TSPEAR: variants seen among roughly 807,000 people sequenced by gnomAD.
TSPEAR encodes the protein thrombospondin type laminin G domain and EAR repeats, also known as thrombospondin-type laminin G domain and EAR repeat-containing protein.
In TSPEAR, 69 loss-of-function variants were observed where a neutral mutation model predicts 71.6. That is an observed-to-expected ratio of 0.96 (90% CI 0.79 to 1.18). TSPEAR has a LOEUF of 1.18. TSPEAR is among the 50% of genes most tolerant of loss of function. The pLI is 0.00. For synonymous variants in TSPEAR, 402 were observed against 387.2 expected, an observed-to-expected ratio of 1.04 and a Z score of -0.45; for missense variants, 971 against 894.9, an observed-to-expected ratio of 1.09 and a Z score of -1.09.
chr21:44,681,605 C>A, intron 1 of TSPEAR: 1 of 529,350 alleles, frequency 1.9e-6, no homozygotes, highest in South Asian at 3.9e-5. Context: ...TTATTTGACT[C>A]TCATGGGGTC....
intron 9 of TSPEAR, chr21:44,515,896 A>AC (rs1569157442): frequency 6.6e-6 from 1 of 152,092 alleles, no homozygotes; most frequent in African/African-American, 2.4e-5. Flanking sequence ...AAGGGCTGAG[A>AC]CCCCACCATG....
chr21:44,515,545 A>C (rs1411836885), intron 9 of TSPEAR: 1 of 151,800 alleles, frequency 6.6e-6, no homozygotes, highest in African/African-American at 2.4e-5. Context: ...GCTAGCCCAG[A>C]CCCTCCCCTT....
chr21:44,708,567 T>C (rs1325875906), intron 1 of TSPEAR, among the ~76,000 whole-genome samples: 57 of 152,334 alleles, frequency 3.7e-4, no homozygotes, highest in African/African-American at 1.3e-3. Context: ...TCTTTTAAGA[T>C]GCAAATCTGC....
chr21:44,647,745 G>A lies in TSPEAR; in HGVS notation c.82+63688C>T, dbSNP rs991870483. The A allele has an allele frequency of 7.8e-5, 21 of 268,126 alleles. No individual in the cohort carries two copies. The East Asian group carries it at 1.5e-3, about 19-fold the overall frequency. The allele number at this position is 268,126 out of a possible 1,614,324, so 16.6% of individuals were successfully genotyped here. On this transcript the variant is annotated intron_variant, in intron 1 of 11. Coordinates refer to ENST00000323084, the MANE Select transcript of TSPEAR (RefSeq NM_144991.3). ...CCCACTGTCTTGTTAAAGGCAGACA[G>A]GACAGTGTCTCTCATTCCGAGATCA... is the stretch of plus-strand genomic sequence containing the variant.
chr21:44,513,081 CAA>C (rs2052441538), intron 9 of TSPEAR, among the ~76,000 whole-genome samples: 1 of 152,182 alleles, frequency 6.6e-6, no homozygotes, highest in African/African-American at 2.4e-5. Flanking sequence ...CATACTTTGG[CAA>C]AAAGAAAAAT....
In TSPEAR at chr21:44,687,046, A is replaced by T. The variant is rs782125870; in HGVS notation, c.82+24387T>A. ...TCCTTCCCAGTAGTTTCAGACGAGG[A>T]TCTCTCAGCCAGGACTCTTCTGGAG... On this transcript the variant is annotated intron_variant, in intron 1 of 11. Transcript: ENST00000323084. This position sits in a 1 kb window ranked among gnomAD's most constrained non-coding sequence, Gnocchi z 4.4. Among the ~76,000 whole-genome samples, 8 of 152,122 alleles carry T rather than the reference A, an allele frequency of 5.3e-5. No individual in the cohort carries two copies. The highest frequency in any genetic ancestry group is 1.2e-4 in the Non-Finnish European group (8 of 68,008).
At chr21:44,538,570 T>C (rs1555916654) in intron 2 of TSPEAR, among the ~76,000 whole-genome samples, 1 of 145,058 alleles carries the variant, frequency 6.9e-6, no homozygotes, top group Non-Finnish European at 1.5e-5. Context: ...TCCCCTCGCA[T>C]TGCTGCTAAA....
At chr21:44,505,487 G>GC (rs1281969325) in intron 10 of TSPEAR, among the ~76,000 whole-genome samples, 6 of 135,648 alleles carry the variant, frequency 4.4e-5, no homozygotes, top group Non-Finnish European at 6.1e-5. Context: ...CTGTGTGGCC[G>GC]CCCCCACCAT....
intron 1 of TSPEAR, among the ~76,000 whole-genome samples, chr21:44,659,395 G>A (rs1261077333): frequency 1.3e-5 from 2 of 150,974 alleles, no homozygotes; most frequent in African/African-American, 4.9e-5. Context: ...CAAGCGGTTG[G>A]TGCACTGAAG....
At chr21:44,635,115 C>T (rs139067941) in intron 1 of TSPEAR, among the ~76,000 whole-genome samples, 2,466 of 152,056 alleles carry the variant, frequency 0.016, 75 homozygotes, top group African/African-American at 0.056. Context: ...GAGGCCGAGG[C>T]GGGAGGATCA....
intron 1 of TSPEAR, chr21:44,697,541 T>C: frequency 6.2e-7 from 1 of 1,613,824 alleles, no homozygotes; most frequent in African/African-American, 1.3e-5. Context: ...CAAGACTGTC[T>C]GCTGCAAGCC....
intron 9 of TSPEAR, chr21:44,518,701 T>C (rs907381976): frequency 6.4e-6 from 3 of 470,710 alleles, no homozygotes; most frequent in African/African-American, 2.0e-5. Flanking sequence ...GTTAGATGAT[T>C]GGAAGTGACT....
intron 1 of TSPEAR, among the ~76,000 whole-genome samples, chr21:44,635,816 C>T (rs1220988386): frequency 2.0e-5 from 3 of 152,132 alleles, no homozygotes; most frequent in Non-Finnish European, 4.4e-5. Context: ...TGGTTGATCA[C>T]AATTTAAATA....
intron 2 of TSPEAR, among the ~76,000 whole-genome samples, chr21:44,540,544 T>C (rs932763833): frequency 6.6e-5 from 10 of 152,176 alleles, no homozygotes; most frequent in Non-Finnish European, 1.5e-4. Flanking sequence ...AAGTGTGGCA[T>C]GCCAGGGTGA....
At chr21:44,509,860 T>C (rs2052317961) in intron 9 of TSPEAR, 1 of 171,362 alleles carries the variant, frequency 5.8e-6, no homozygotes, top group African/African-American at 2.4e-5. Flanking sequence ...CCACCTGCTG[T>C]CTCACCTCTT....
At chr21:44,616,387 T>C (rs1982096963) in intron 1 of TSPEAR, among the ~76,000 whole-genome samples, 1 of 152,098 alleles carries the variant, frequency 6.6e-6, no homozygotes, top group Admixed American at 6.6e-5. Context: ...CACACCACCT[T>C]CCACACAACC....
intron 1 of TSPEAR, chr21:44,681,814 C>T (rs560144407): frequency 8.8e-6 from 14 of 1,593,508 alleles, no homozygotes; most frequent in Admixed American, 1.7e-5. Flanking sequence ...CTGGGAGCAG[C>T]GGGTCTGGAG....
chr21:44,641,547 C>T (rs894542845), intron 1 of TSPEAR, among the ~76,000 whole-genome samples: 14 of 152,102 alleles, frequency 9.2e-5, no homozygotes, highest in African/African-American at 3.4e-4. Context: ...TAACCGGGAT[C>T]GCAGTGGGGA....
At chr21:44,584,714 G>C (rs1388791682) in intron 1 of TSPEAR, among the ~76,000 whole-genome samples, 3 of 152,086 alleles carry the variant, frequency 2.0e-5, no homozygotes, top group African/African-American at 7.2e-5. Context: ...CTGAGCTCTG[G>C]AATATTTCAA....
Sources: gnomAD v4.1 joint callset for allele counts (sites outside exome capture counted in the v4.1 genomes callset) on GRCh38, gnomAD v4.1.1 for gene constraint, Gnocchi (gnomAD v3.1) non-coding constraint, MANE v1.5 for transcripts, NCBI Gene and HGNC (gene_info 2026-07-23, HGNC 2026-07-21) for gene names.